The following DCC variants were observed in gnomAD, a reference collection of about 807,000 sequenced individuals.
The protein encoded by DCC is DCC netrin 1 receptor, also known as netrin receptor DCC.
A neutral mutation model predicts 172.5 loss-of-function variants in DCC; 58 were observed. The observed-to-expected ratio is 0.34, with a 90% confidence interval of 0.27 to 0.42. DCC has a LOEUF of 0.42. Ranked by LOEUF, DCC falls within the 10% of genes least tolerant of loss-of-function variation. The probability of loss-of-function intolerance (pLI) is 1.00; values close to 1 mark genes in which losing one functional copy is unlikely to be tolerated. For missense variants in DCC, 1,740 were observed against 1,791.0 expected (o/e 0.97, Z 0.51); for synonymous variants, 709 against 644.5 (o/e 1.10, Z -1.52).
chr18:53,049,940 C>T (rs902018958), intron 5 of DCC, among the ~76,000 whole-genome samples: 1 of 152,078 alleles, frequency 6.6e-6, no homozygotes, highest in Non-Finnish European at 1.5e-5. Flanking sequence ...AGCAGTGGCT[C>T]ATTCCGAGTC....
chr18:53,161,706 C>A (rs28679630), intron 8 of DCC, among the ~76,000 whole-genome samples: 13 of 151,986 alleles, frequency 8.6e-5, no homozygotes, highest in Non-Finnish European at 1.8e-4. Flanking sequence ...AGAGTTCCCC[C>A]CACTTTTGAA....
intron 2 of DCC, among the ~76,000 whole-genome samples, chr18:52,821,198 A>G (rs943000329): frequency 6.6e-6 from 1 of 152,138 alleles, no homozygotes; most frequent in African/African-American, 2.4e-5. Flanking sequence ...CTACTATCCT[A>G]TCTGCATCTA....
chr18:52,374,839 A>T (rs1260906267), intron 1 of DCC, among the ~76,000 whole-genome samples: 1 of 152,212 alleles, frequency 6.6e-6, no homozygotes, highest in East Asian at 1.9e-4. Context: ...TGTTCATTTC[A>T]CACAGCAGAT....
chr18:53,513,254 C>G (rs1167877537), intron 27 of DCC, among the ~76,000 whole-genome samples: 4 of 152,158 alleles, frequency 2.6e-5, no homozygotes. Flanking sequence ...TACAGACAAG[C>G]AAATGCTGAG....
chr18:52,715,231 T>C (rs939493900), intron 1 of DCC, among the ~76,000 whole-genome samples: 4 of 151,110 alleles, frequency 2.6e-5, no homozygotes, highest in African/African-American at 9.7e-5. Flanking sequence ...AATATATATA[T>C]ATATCTGCTA....
chr18:52,868,645 A>G (rs1485664963), intron 2 of DCC, among the ~76,000 whole-genome samples: 2 of 152,202 alleles, frequency 1.3e-5, no homozygotes, highest in East Asian at 1.9e-4. Context: ...TGTCATTTTC[A>G]TGACTGTGAA....
intron 5 of DCC, chr18:52,935,039 A>T (rs2040361553): frequency 6.6e-6 from 1 of 152,196 alleles, no homozygotes; most frequent in African/African-American, 2.4e-5. Context: ...GTTACAGAAC[A>T]ATCACTAAAA....
At chr18:52,373,324 G>T (rs1157837730) in intron 1 of DCC, among the ~76,000 whole-genome samples, 1 of 152,082 alleles carries the variant, frequency 6.6e-6, no homozygotes, top group East Asian at 1.9e-4. Flanking sequence ...CAAGCCTCAA[G>T]GTCTCTATGT....
chr18:52,876,835 G>A (rs566278831), intron 2 of DCC, among the ~76,000 whole-genome samples: 35 of 125,710 alleles, frequency 2.8e-4, no homozygotes, highest in Non-Finnish European at 4.8e-4. Context: ...TGCCTCTGAC[G>A]TTTGCTTTTG....
chr18:53,116,478 C>A (rs972426364), intron 7 of DCC, among the ~76,000 whole-genome samples: 1 of 151,664 alleles, frequency 6.6e-6, no homozygotes, highest in Non-Finnish European at 1.5e-5. Flanking sequence ...TGTTTTCCTG[C>A]TTCAATGGAA....
At chr18:53,043,382 C>T (rs1238743720) in intron 5 of DCC, among the ~76,000 whole-genome samples, 1 of 151,826 alleles carries the variant, frequency 6.6e-6, no homozygotes, top group Non-Finnish European at 1.5e-5. Flanking sequence ...TTGATGGGTG[C>T]AGCAAACCAC....
chr18:53,302,571 C>T (rs1383532121), intron 12 of DCC, among the ~76,000 whole-genome samples: 1 of 151,978 alleles, frequency 6.6e-6, no homozygotes, highest in African/African-American at 2.4e-5. Context: ...TTTCAGACTG[C>T]ACTCTTTTCC....
At position 53,499,474 on chromosome 18, in the gene DCC, C is replaced by T. The variant is rs1286602541; in HGVS notation, c.4075C>T (p.Pro1359Ser). 2.0e-5 allele frequency: 32 copies of T among 1,614,130 alleles called. No individual in the cohort carries two copies. Among genetic ancestry groups the T allele is most frequent in the Non-Finnish European group, 2.6e-5 (31 of 1,179,988 alleles). ...LLPPPMSAIEPKVPYTPLLSQ... is the reference protein window; with the variant it reads ...LLPPPMSAIESKVPYTPLLSQ... ...ACCTCCACCAATGAGTGCAATAGAA[C>T]CGAAAGTCCCTTACACACCACTTTT... The change falls in exon 27 of 29, where the codon CCG (proline) becomes TCG (serine). Residue 1359 changes from proline to serine, a missense_variant. Around this residue, in one of 2 missense-constraint regions of DCC, gnomAD observed 1,732 missense variants for 1,767.4 expected, o/e 0.98. Transcript: ENST00000442544.
intron 7 of DCC, among the ~76,000 whole-genome samples, chr18:53,087,996 G>A (rs376906860): frequency 2.8e-4 from 42 of 152,214 alleles, no homozygotes; most frequent in Middle Eastern, 6.8e-3. Context: ...TGCTGTTTTG[G>A]TTACTGTAGC....
intron 2 of DCC, among the ~76,000 whole-genome samples, chr18:52,777,959 T>A (rs2145178950): frequency 6.6e-6 from 1 of 152,166 alleles, no homozygotes; most frequent in African/African-American, 2.4e-5. Context: ...AAATGAAAGA[T>A]TATCTAATCT....
intron 23 of DCC, among the ~76,000 whole-genome samples, chr18:53,456,675 A>G (rs1225815667): frequency 1.3e-5 from 2 of 152,196 alleles, no homozygotes; most frequent in South Asian, 4.1e-4. Context: ...TGCATTTCTA[A>G]CAAGTTCCCA....
chr18:53,146,271 A>C (rs926309867), intron 7 of DCC, among the ~76,000 whole-genome samples: 9 of 152,202 alleles, frequency 5.9e-5, no homozygotes, highest in Admixed American at 5.9e-4. Flanking sequence ...TTTATGAAAA[A>C]AAAGAAATTT....
At chr18:53,165,494 A>G (rs2054903995) in intron 8 of DCC, among the ~76,000 whole-genome samples, 1 of 152,286 alleles carries the variant, frequency 6.6e-6, no homozygotes, top group South Asian at 2.1e-4. Flanking sequence ...AAAGAACAAG[A>G]CTCAGAATCC....
intron 1 of DCC, among the ~76,000 whole-genome samples, chr18:52,510,088 G>A (rs1175713821): frequency 1.3e-5 from 2 of 148,188 alleles, no homozygotes; most frequent in African/African-American, 2.5e-5. Flanking sequence ...TGGGCAATGA[G>A]AGCAAAATTC....
Sources: allele counts gnomAD v4.1 joint callset (sites outside exome capture counted in the v4.1 genomes callset), GRCh38; gene constraint gnomAD v4.1.1; regional missense constraint gnomAD v4.1.1; transcripts MANE v1.5; gene names NCBI Gene and HGNC (gene_info 2026-07-23, HGNC 2026-07-21).